Variants in TMEM132C observed in about 807,000 individuals in gnomAD.
TMEM132C encodes transmembrane protein 132C, also known as protein phosphatase 1, regulatory subunit 152.
TMEM132C carries 29 observed loss-of-function variants against 61.4 expected under a neutral mutation model. That is an observed-to-expected ratio of 0.47 (90% confidence interval 0.35 to 0.64). The LOEUF (loss-of-function observed/expected upper bound fraction) is 0.64, where lower values mean the gene tolerates loss of function less well. TMEM132C is among the 30% of genes least tolerant of loss of function. The pLI, the probability that TMEM132C is intolerant of heterozygous loss-of-function variation, is 0.00. For synonymous variants in TMEM132C, 656 were observed against 633.1 expected (o/e 1.04, Z -0.54); for missense variants, 1,408 against 1,476.9 (o/e 0.95, Z 0.76).
intron 2 of TMEM132C, among the ~76,000 whole-genome samples, chr12:128,522,715 C>T (rs1412671429): frequency 6.6e-6 from 1 of 152,160 alleles, no homozygotes; most frequent in Non-Finnish European, 1.5e-5. Context: ...AAAATGATTA[C>T]TGAGATGTGG....
At chr12:128,474,401 C>T (rs1479574124) in intron 2 of TMEM132C, among the ~76,000 whole-genome samples, 33 of 152,190 alleles carry the variant, frequency 2.2e-4, no homozygotes, top group Admixed American at 2.2e-3. Context: ...AAAGACCTCA[C>T]TGCCTTTAGC....
At chr12:128,490,858 A>G (rs1871692158) in intron 2 of TMEM132C, among the ~76,000 whole-genome samples, 1 of 152,170 alleles carries the variant, frequency 6.6e-6, no homozygotes, top group African/African-American at 2.4e-5. Flanking sequence ...ATGATTCATT[A>G]GTAGCACTCT....
At chr12:128,512,699 G>A (rs1434668883) in intron 2 of TMEM132C, among the ~76,000 whole-genome samples, 1 of 152,186 alleles carries the variant, frequency 6.6e-6, no homozygotes, top group Non-Finnish European at 1.5e-5. Flanking sequence ...AAAATTGTCT[G>A]TCATTTGGAA....
At chr12:128,419,958 C>T (rs557452924) in intron 2 of TMEM132C, among the ~76,000 whole-genome samples, 284 of 152,016 alleles carry the variant, frequency 1.9e-3, no homozygotes, top group African/African-American at 6.5e-3. Flanking sequence ...TTTGGGAGGC[C>T]GAGGTGGGCA....
rs556312185 is a variant in TMEM132C, at chr12:128,395,083, A to T, written c.86-19649A>T. Among the ~76,000 whole-genome samples, 363 of 151,840 alleles carry T rather than the reference A, an allele frequency of 2.4e-3. 1 individual carries two copies. The highest frequency in any genetic ancestry group is 3.8e-3 in the Non-Finnish European group (255 of 67,956). On this transcript the variant is annotated intron_variant, in intron 1 of 8. Transcript: ENST00000435159. ...TATTTACACACAAACACACATATAG[A>T]CATATATACAATCATAGCGTTGTGT...
At chr12:128,516,989 A>G (rs1872738354) in intron 2 of TMEM132C, among the ~76,000 whole-genome samples, 1 of 151,482 alleles carries the variant, frequency 6.6e-6, no homozygotes, top group African/African-American at 2.4e-5. Context: ...TTGGAGGCTG[A>G]GGCAGGCGGA....
rs373238351 is a variant in TMEM132C at position 128,559,988 on chromosome 12, C to G, written c.1121+15885C>G. The stretch of plus-strand genomic sequence containing the variant: ...TCAGGCTGGGCATGGTGGCTCATGC[C>G]TATAATCCCAGCACTTTGGGAGGCT... On this transcript the variant is annotated intron_variant, in intron 3 of 8. Coordinates refer to ENST00000435159, the MANE Select transcript of TMEM132C (RefSeq NM_001136103.3). Among the ~76,000 whole-genome samples, 27 of 152,342 alleles carry G rather than the reference C, an allele frequency of 1.8e-4. No individual in the cohort carries two copies. The South Asian group carries it at 5.6e-3, about 32-fold the overall frequency.
chr12:128,379,171 A>G (rs1011973655), intron 1 of TMEM132C, among the ~76,000 whole-genome samples: 2 of 152,176 alleles, frequency 1.3e-5, no homozygotes, highest in Non-Finnish European at 2.9e-5. Context: ...ATCCCCTACC[A>G]TGCATGGACC....
intron 2 of TMEM132C, among the ~76,000 whole-genome samples, chr12:128,425,529 CAGA>C (rs1160581283): frequency 6.6e-6 from 1 of 152,232 alleles, no homozygotes; most frequent in African/African-American, 2.4e-5. Flanking sequence ...TGCCTCAAAG[CAGA>C]AGGATGCATT....
intron 2 of TMEM132C, among the ~76,000 whole-genome samples, chr12:128,509,944 CT>C (rs780799999): frequency 2.0e-5 from 3 of 152,154 alleles, no homozygotes; most frequent in Admixed American, 6.5e-5. Flanking sequence ...CTCCTTTTTC[CT>C]GGTATTGTGA....
chr12:128,651,369 G>A (rs1357867087), intron 4 of TMEM132C, among the ~76,000 whole-genome samples: 1 of 152,202 alleles, frequency 6.6e-6, no homozygotes, highest in Non-Finnish European at 1.5e-5. Context: ...GGGTCCTGAT[G>A]GTGCTCCTGC....
At chr12:128,443,954 A>T (rs1869883030) in intron 2 of TMEM132C, among the ~76,000 whole-genome samples, 1 of 151,982 alleles carries the variant, frequency 6.6e-6, no homozygotes, top group African/African-American at 2.4e-5. Flanking sequence ...CTGGAATCTC[A>T]CTGTTTCACC....
intron 1 of TMEM132C, among the ~76,000 whole-genome samples, chr12:128,359,523 T>A (rs761074920): frequency 6.6e-6 from 1 of 152,210 alleles, no homozygotes; most frequent in Non-Finnish European, 1.5e-5. Context: ...ATTTGCCTTT[T>A]TGAGGAGTTT....
intron 3 of TMEM132C, among the ~76,000 whole-genome samples, chr12:128,582,914 A>G (rs777895196): frequency 6.6e-6 from 1 of 152,186 alleles, no homozygotes; most frequent in Non-Finnish European, 1.5e-5. Context: ...TGCTGAGATT[A>G]TAAGCATGAG....
intron 3 of TMEM132C, among the ~76,000 whole-genome samples, chr12:128,573,916 A>C (rs764065332): frequency 1.3e-5 from 2 of 149,750 alleles, no homozygotes; most frequent in Admixed American, 6.7e-5. Flanking sequence ...AAAAAAAGAG[A>C]GTGGTGAAAA....
chr12:128,571,158 G>A (rs1472490322), intron 3 of TMEM132C, among the ~76,000 whole-genome samples: 1 of 152,174 alleles, frequency 6.6e-6, no homozygotes, highest in Non-Finnish European at 1.5e-5. Context: ...AGTGTTCTGA[G>A]GATGGTAGAA....
At chr12:128,558,019 T>G (rs555079384) in intron 3 of TMEM132C, among the ~76,000 whole-genome samples, 6 of 152,218 alleles carry the variant, frequency 3.9e-5, no homozygotes, top group Admixed American at 1.3e-4. Context: ...TTAGTCAGTC[T>G]CCTTGGCTCT....
rs146518487 is a variant in TMEM132C at position 128,428,753 on chromosome 12, G to A, written c.974+13133G>A. 2.6e-5 allele frequency among the ~76,000 whole-genome samples: 4 copies of A among 152,290 alleles called. No individual in the cohort carries two copies. In the East Asian group the frequency reaches 7.7e-4, roughly 29 times the overall value. On this transcript the variant is annotated intron_variant, in intron 2 of 8. Transcript: ENST00000435159. ...TGTAAATTCAGAGATGGACAACTGA[G>A]TCCAAATCCTGCACCTACAGTTTTC...
chr12:128,389,707 A>T (rs1389399058), intron 1 of TMEM132C, among the ~76,000 whole-genome samples: 1 of 152,118 alleles, frequency 6.6e-6, no homozygotes, highest in Non-Finnish European at 1.5e-5. Context: ...TGGCATAAAC[A>T]TTCCATGCTG....
Sources: gnomAD v4.1 joint callset for allele counts (sites outside exome capture counted in the v4.1 genomes callset) on GRCh38, gnomAD v4.1.1 for gene constraint, MANE v1.5 for transcripts, NCBI Gene and HGNC (gene_info 2026-07-23, HGNC 2026-07-21) for gene names.